The following C8A variants were observed in gnomAD, a reference collection of about 807,000 sequenced individuals.
The protein encoded by C8A is complement component C8 alpha chain.
Under a neutral mutation model 65.3 loss-of-function variants are expected in C8A, and 67 were observed. That is an observed-to-expected ratio of 1.03 (90% confidence interval 0.84 to 1.26). C8A has a LOEUF of 1.26. C8A is among the 50% of genes most tolerant of loss of function. The pLI, the probability that C8A is intolerant of heterozygous loss-of-function variation, is 0.00. For missense variants in C8A, 781 were observed against 723.9 expected, an observed-to-expected ratio of 1.08 and a Z score of -0.90; for synonymous variants, 290 against 259.4, an observed-to-expected ratio of 1.12 and a Z score of -1.13.
intron 1 of C8A, among the ~76,000 whole-genome samples, chr1:56,862,716 G>A (rs1644046476): frequency 6.6e-6 from 1 of 152,130 alleles, no homozygotes; most frequent in African/African-American, 2.4e-5. Flanking sequence ...AAGATTAGAA[G>A]CAAAGACTCC....
At chr1:56,888,072 G>A (rs796359293) in intron 7 of C8A, among the ~76,000 whole-genome samples, 1 of 152,160 alleles carries the variant, frequency 6.6e-6, no homozygotes, top group African/African-American at 2.4e-5. Context: ...CATGGCATGG[G>A]TATACCTACG....
chr1:56,911,523 C>T (rs1343627635), intron 9 of C8A, among the ~76,000 whole-genome samples: 1 of 152,198 alleles, frequency 6.6e-6, no homozygotes, highest in Non-Finnish European at 1.5e-5. Context: ...AATTGTTTCC[C>T]CCAAGGAATA....
intron 1 of C8A, among the ~76,000 whole-genome samples, chr1:56,858,858 G>C (rs935500682): frequency 3.3e-5 from 5 of 152,202 alleles, no homozygotes; most frequent in Admixed American, 6.5e-5. Flanking sequence ...TTAAGTCCTG[G>C]CATCACCACG....
chr1:56,901,239 A>G (rs931703314), intron 7 of C8A, among the ~76,000 whole-genome samples: 2 of 152,194 alleles, frequency 1.3e-5, no homozygotes, highest in Admixed American at 6.5e-5. Flanking sequence ...GGCAACCAAC[A>G]TAGCAAAGCA....
At chr1:56,913,195 G>A (rs1429184305) in intron 10 of C8A, among the ~76,000 whole-genome samples, 2 of 152,120 alleles carry the variant, frequency 1.3e-5, no homozygotes, top group African/African-American at 2.4e-5. Context: ...CACTGGGTTT[G>A]AGACCACCCT....
rs145812606 is a variant in C8A, at chr1:56,903,052, C to G, written c.1097-3615C>G. On this transcript the variant is annotated intron_variant, in intron 7 of 10. Coordinates refer to ENST00000361249, the MANE Select transcript of C8A (RefSeq NM_000562.3). Reference sequence around the variant, plus strand: ...CCTTTTCTTTTGTTCTCCCGCTAAGCTGTCTATTTCTCACTGTGCTTATTC... The same window carrying G: ...CCTTTTCTTTTGTTCTCCCGCTAAGGTGTCTATTTCTCACTGTGCTTATTC... 2.7e-3 allele frequency among the ~76,000 whole-genome samples: 414 copies of G among 152,196 alleles called. 1 individual carries two copies. The highest frequency in any genetic ancestry group is 9.5e-3 in the African/African-American group (396 of 41,518).
chr1:56,913,562 C>A (rs1644527246), intron 10 of C8A, among the ~76,000 whole-genome samples: 1 of 152,216 alleles, frequency 6.6e-6, no homozygotes, highest in Non-Finnish European at 1.5e-5. Flanking sequence ...TTGTTCACAT[C>A]TTTCTGGGGC....
At chr1:56,868,594 G>GT (rs1644114260) in intron 2 of C8A, among the ~76,000 whole-genome samples, 1 of 152,012 alleles carries the variant, frequency 6.6e-6, no homozygotes, top group African/African-American at 2.4e-5. Flanking sequence ...CTCCAGCTTA[G>GT]GTTACAGAGC....
chr1:56,856,391 ATTACCTAGTAATCATTCAGTGAAAGCTG>A (rs1454975903), intron 1 of C8A, among the ~76,000 whole-genome samples: 1 of 152,108 alleles, frequency 6.6e-6, no homozygotes, highest in Admixed American at 6.6e-5. Context: ...CCTGTTACCT[ATTACCTAGTAATCATTCAGTGAAAGCTG>A]TCACCAGTGC....
At chr1:56,871,880 C>T (rs995813121) in intron 2 of C8A, among the ~76,000 whole-genome samples, 7 of 152,050 alleles carry the variant, frequency 4.6e-5, no homozygotes, top group African/African-American at 1.2e-4. Context: ...TTTCGAATAA[C>T]ATTATGTGTT....
Position 56,917,967 on chromosome 1 carries a change from T to A in C8A, c.*251T>A. The A allele has an allele frequency of 2.4e-6, 1 of 420,224 alleles. No individual in the cohort carries two copies. Among genetic ancestry groups the A allele is most frequent in the Non-Finnish European group, 4.3e-6 (1 of 234,106 alleles). The allele number at this position is 420,224 out of a possible 1,614,324, so 26.0% of individuals were successfully genotyped here. ...GAAGCTCTGTCCTACTTACAGCACT[T>A]TGGATCATCAAAAAAATAAAGTAAA... On this transcript the variant is annotated 3_prime_UTR_variant, in exon 11 of 11. Coordinates refer to ENST00000361249, the MANE Select transcript of C8A (RefSeq NM_000562.3).
intron 1 of C8A, among the ~76,000 whole-genome samples, chr1:56,865,188 G>A (rs1398605746): frequency 6.6e-6 from 1 of 152,188 alleles, no homozygotes; most frequent in South Asian, 2.1e-4. Flanking sequence ...GTTGTCTTGA[G>A]GAAAAGCAAT....
intron 10 of C8A, among the ~76,000 whole-genome samples, chr1:56,914,062 G>A (rs913273341): frequency 9.2e-5 from 14 of 151,484 alleles, no homozygotes; most frequent in Non-Finnish European, 1.6e-4. Context: ...CCAGAGAAGT[G>A]GGAAGGCTCA....
chr1:56,884,415 G>T (rs1458691773), intron 6 of C8A, among the ~76,000 whole-genome samples: 1 of 152,080 alleles, frequency 6.6e-6, no homozygotes, highest in Non-Finnish European at 1.5e-5. Context: ...TTAATTAGAA[G>T]CTTACTAAAA....
intron 9 of C8A, among the ~76,000 whole-genome samples, chr1:56,912,066 T>TA (rs898201876): frequency 3.9e-5 from 6 of 152,174 alleles, no homozygotes; most frequent in African/African-American, 1.4e-4. Context: ...TGTCATATGG[T>TA]AAAAGCTAAG....
At chr1:56,900,532 T>G (rs1644418910) in intron 7 of C8A, among the ~76,000 whole-genome samples, 1 of 152,174 alleles carries the variant, frequency 6.6e-6, no homozygotes, top group Admixed American at 6.5e-5. Flanking sequence ...ACCACCACAA[T>G]TCCTGCTTTT....
chr1:56,885,329 AAT>A (rs1296818604), intron 6 of C8A, among the ~76,000 whole-genome samples: 8 of 124,316 alleles, frequency 6.4e-5, no homozygotes, highest in African/African-American at 1.1e-4. Flanking sequence ...TATTTATTTA[AAT>A]ATATATTTAC....
chr1:56,902,439 C>T (rs927389517), intron 7 of C8A, among the ~76,000 whole-genome samples: 1 of 152,120 alleles, frequency 6.6e-6, no homozygotes, highest in African/African-American at 2.4e-5. Context: ...AAGGATGTGG[C>T]TTTGAACATC....
chr1:56,868,542 C>T (rs1644113863), intron 2 of C8A, among the ~76,000 whole-genome samples: 1 of 152,212 alleles, frequency 6.6e-6, no homozygotes, highest in Non-Finnish European at 1.5e-5. Context: ...CACTTGCGCC[C>T]AGGAGTTTGA....
Sources: allele counts gnomAD v4.1 joint callset (sites outside exome capture counted in the v4.1 genomes callset), GRCh38; gene constraint gnomAD v4.1.1; transcripts MANE v1.5; gene names NCBI Gene and HGNC (gene_info 2026-07-23, HGNC 2026-07-21).